The following B3GALT1 variants were observed in gnomAD, a reference collection of about 807,000 sequenced individuals.
The protein encoded by B3GALT1 is beta-1,3-galactosyltransferase 1, also known as UDP-Gal:betaGlcNAc beta 1,3-galactosyltransferase, polypeptide 1.
In B3GALT1, 10 loss-of-function variants were observed where a neutral mutation model predicts 23.2. The ratio of observed to expected loss-of-function variants is 0.43; its 90% CI spans 0.27 to 0.73. The LOEUF (loss-of-function observed/expected upper bound fraction) is 0.73, where lower values mean the gene tolerates loss of function less well. B3GALT1 is among the 30% of genes least tolerant of loss of function. B3GALT1 has a pLI of 0.21. For synonymous variants in B3GALT1, 156 were observed against 141.5 expected, an observed-to-expected ratio of 1.10 and a Z score of -0.73; for missense variants, 299 against 405.4, an observed-to-expected ratio of 0.74 and a Z score of 2.25.
intron 1 of B3GALT1, among the ~76,000 whole-genome samples, chr2:167,454,219 G>GCGCA (rs1699133687): frequency 2.9e-5 from 4 of 140,064 alleles, no homozygotes; most frequent in African/African-American, 1.0e-4. Context: ...GTGCGCACGC[G>GCGCA]CGCGTGCACG....
chr2:167,867,150 TCTC>T (rs1417876143), intron 4 of B3GALT1, among the ~76,000 whole-genome samples: 1 of 152,130 alleles, frequency 6.6e-6, no homozygotes, highest in Non-Finnish European at 1.5e-5. Context: ...ATGGTCTCGA[TCTC>T]CTGACCTCGT....
At chr2:167,789,923 C>G (rs935248907) in intron 3 of B3GALT1, among the ~76,000 whole-genome samples, 1 of 152,116 alleles carries the variant, frequency 6.6e-6, no homozygotes, top group African/African-American at 2.4e-5. Flanking sequence ...TAGGCCCACT[C>G]CTCTTGTCCT....
chr2:167,844,353 G>A (rs1237646120), intron 4 of B3GALT1, among the ~76,000 whole-genome samples: 1 of 152,184 alleles, frequency 6.6e-6, no homozygotes, highest in African/African-American at 2.4e-5. Context: ...AATCCCGAGA[G>A]GACCCACAGA....
rs535738627 is a variant in B3GALT1, at chr2:167,680,654, G to A, written c.-352+33688G>A. 5.3e-5 allele frequency among the ~76,000 whole-genome samples: 8 copies of A among 152,280 alleles called. No homozygotes were observed. In the East Asian group the frequency reaches 5.8e-4, roughly 11 times the overall value. Reference sequence around the variant, plus strand: ...CTATTTGTGATTCATGTAGTTTTTAGCAAGTGAAATGGATATCTCAAGAGG... The same window carrying A: ...CTATTTGTGATTCATGTAGTTTTTAACAAGTGAAATGGATATCTCAAGAGG... On this transcript the variant is annotated intron_variant, in intron 3 of 4. Transcript: ENST00000392690.
At chr2:167,867,051 C>T (rs62195020) in intron 4 of B3GALT1, among the ~76,000 whole-genome samples, 5 of 151,878 alleles carry the variant, frequency 3.3e-5, no homozygotes, top group South Asian at 2.1e-4. Context: ...CTCAGCCTCC[C>T]GAGTAGCTGG....
At chr2:167,754,421 G>A (rs900982052) in intron 3 of B3GALT1, among the ~76,000 whole-genome samples, 5 of 152,032 alleles carry the variant, frequency 3.3e-5, no homozygotes, top group Non-Finnish European at 7.4e-5. Flanking sequence ...GTTAGAGGAG[G>A]GCCTAGCAAT....
At chr2:167,838,666 A>G (rs1689552059) in intron 4 of B3GALT1, among the ~76,000 whole-genome samples, 1 of 152,296 alleles carries the variant, frequency 6.6e-6, no homozygotes, top group Admixed American at 6.5e-5. Context: ...AATCCTCCCT[A>G]ACTCATTTTA....
intron 2 of B3GALT1, among the ~76,000 whole-genome samples, chr2:167,586,947 A>G (rs187456764): frequency 4.0e-4 from 61 of 152,332 alleles, no homozygotes; most frequent in African/African-American, 1.5e-3. Flanking sequence ...TCATATACTT[A>G]CTAACATTGG....
intron 2 of B3GALT1, among the ~76,000 whole-genome samples, chr2:167,628,881 A>T (rs1182275235): frequency 6.6e-6 from 1 of 151,672 alleles, no homozygotes; most frequent in Non-Finnish European, 1.5e-5. Flanking sequence ...AAATTTTATA[A>T]GTTTCAGATT....
chr2:167,643,506 A>C (rs1050044844), intron 2 of B3GALT1, among the ~76,000 whole-genome samples: 2 of 152,184 alleles, frequency 1.3e-5, no homozygotes, highest in African/African-American at 4.8e-5. Flanking sequence ...GTCTATGAAG[A>C]ATTGGAGTAA....
chr2:167,807,024 C>T (rs1452470202), intron 3 of B3GALT1, among the ~76,000 whole-genome samples: 10 of 152,124 alleles, frequency 6.6e-5, no homozygotes, highest in Non-Finnish European at 1.3e-4. Context: ...GATTCAACTT[C>T]TTCCTGGTTT....
chr2:167,537,627 C>T (rs1260326829), intron 2 of B3GALT1, among the ~76,000 whole-genome samples: 3 of 151,894 alleles, frequency 2.0e-5, no homozygotes, highest in Non-Finnish European at 4.4e-5. Context: ...GTTTTCAAGC[C>T]CCTTCCCTGA....
intron 2 of B3GALT1, among the ~76,000 whole-genome samples, chr2:167,493,442 A>G (rs1319105228): frequency 6.6e-6 from 1 of 152,204 alleles, no homozygotes; most frequent in African/African-American, 2.4e-5. Context: ...AAGATACCAG[A>G]CAAGCTTTAT....
intron 1 of B3GALT1, among the ~76,000 whole-genome samples, chr2:167,441,069 A>G (rs888600360): frequency 3.9e-5 from 6 of 152,176 alleles, no homozygotes; most frequent in African/African-American, 1.4e-4. Flanking sequence ...ATCCTCAGGG[A>G]CAGTGAACCT....
chr2:167,362,688 A>C (rs1009782274), intron 1 of B3GALT1, among the ~76,000 whole-genome samples: 2 of 151,176 alleles, frequency 1.3e-5, no homozygotes, highest in South Asian at 4.2e-4. Context: ...TCTGTTTCTT[A>C]ATTTTTTTCC....
intron 1 of B3GALT1, among the ~76,000 whole-genome samples, chr2:167,398,752 C>T (rs1167276326): frequency 6.6e-6 from 1 of 152,136 alleles, no homozygotes; most frequent in African/African-American, 2.4e-5. Flanking sequence ...ATTTATCCCT[C>T]CCTTAAGCAT....
At chr2:167,441,467 C>T (rs577546978) in intron 1 of B3GALT1, among the ~76,000 whole-genome samples, 3 of 152,220 alleles carry the variant, frequency 2.0e-5, no homozygotes, top group African/African-American at 7.2e-5. Context: ...TCTGAGAAGG[C>T]TCATTTTTTG....
At chr2:167,845,429 G>A (rs1689735946) in intron 4 of B3GALT1, among the ~76,000 whole-genome samples, 1 of 152,198 alleles carries the variant, frequency 6.6e-6, no homozygotes, top group Admixed American at 6.5e-5. Context: ...ACTCTGTGCA[G>A]ACAACACCCA....
chr2:167,729,278 G>A (rs1687369525), intron 3 of B3GALT1, among the ~76,000 whole-genome samples: 2 of 152,200 alleles, frequency 1.3e-5, no homozygotes, highest in South Asian at 4.1e-4. Flanking sequence ...GATGGAGGAT[G>A]GTGGAAGACA....
Sources: allele counts gnomAD v4.1 joint callset (sites outside exome capture counted in the v4.1 genomes callset), GRCh38; gene constraint gnomAD v4.1.1; transcripts MANE v1.5; gene names NCBI Gene and HGNC (gene_info 2026-07-23, HGNC 2026-07-21).